The following CRIPT variants were observed in gnomAD, a reference collection of about 807,000 sequenced individuals.
CRIPT encodes the protein CXXC repeat containing interactor of PDZ3 domain.
Under a neutral mutation model 16.6 loss-of-function variants are expected in CRIPT, and 20 were observed. The observed-to-expected ratio is 1.20, with a 90% confidence interval of 0.85 to 1.75. The LOEUF (loss-of-function observed/expected upper bound fraction) is 1.75. CRIPT is among the 40% of genes most tolerant of loss of function. CRIPT has a pLI of 0.00. For missense variants in CRIPT, 133 were observed against 115.3 expected (o/e 1.15, Z -0.70); for synonymous variants, 42 against 37.0 (o/e 1.14, Z -0.49).
chr2:46,627,970 T>C lies in CRIPT; in HGVS notation c.*3743T>C, dbSNP rs1210335837. 1.3e-5 allele frequency among the ~76,000 whole-genome samples: 2 copies of C among 152,172 alleles called. No homozygotes were observed. Among genetic ancestry groups the C allele is most frequent in the Non-Finnish European group, 2.9e-5 (2 of 68,018 alleles). ...TCCATTCCATTGGTCTATGGGTCTG[T>C]TTTTATATCTGTACCATGCTGTTTT... is the stretch of plus-strand genomic sequence containing the variant. On this transcript the variant is annotated 3_prime_UTR_variant, in exon 5 of 5. Coordinates refer to ENST00000238892, the MANE Select transcript of CRIPT (RefSeq NM_014171.6).
At position 46,624,259 on chromosome 2, in the gene CRIPT, G is replaced by C; in HGVS notation, c.*32G>C. The stretch of plus-strand genomic sequence containing the variant: ...TGATGGAATTTCTGGCTTTCTAAAT[G>C]ATTTTACTTTCTGCCTTGAATTTTC... On this transcript the variant is annotated 3_prime_UTR_variant, in exon 5 of 5. Coordinates refer to ENST00000238892, the MANE Select transcript of CRIPT (RefSeq NM_014171.6). 1 of 1,457,266 alleles carries C rather than the reference G, an allele frequency of 6.9e-7. No homozygotes were observed. 90.3% of individuals were successfully genotyped at this position (1,457,266 alleles called of 1,614,324 possible).
intron 1 of CRIPT, among the ~76,000 whole-genome samples, chr2:46,617,829 G>T (rs1408263846): frequency 6.6e-6 from 1 of 151,988 alleles, no homozygotes; most frequent in Non-Finnish European, 1.5e-5. Flanking sequence ...TAAATTCTCA[G>T]TGTGCAGAGA....
intron 3 of CRIPT, among the ~76,000 whole-genome samples, chr2:46,622,380 A>G (rs1013362054): frequency 1.3e-5 from 2 of 152,182 alleles, no homozygotes; most frequent in African/African-American, 2.4e-5. Flanking sequence ...AAAAAAAAAA[A>G]AAAAAGATTT....
In CRIPT at chr2:46,628,260, G is replaced by A. The variant is rs115968128; in HGVS notation, c.*4033G>A. Reference sequence around the variant, plus strand: ...CAAATAGCTGGGATTACAGGAGCCCGCCAACCATGCCCAGCTAATTTATGT... The same window carrying A: ...CAAATAGCTGGGATTACAGGAGCCCACCAACCATGCCCAGCTAATTTATGT... On this transcript the variant is annotated 3_prime_UTR_variant, in exon 5 of 5. Transcript: ENST00000238892. 3.3e-5 allele frequency among the ~76,000 whole-genome samples: 5 copies of A among 151,968 alleles called. No homozygotes were observed. The highest frequency in any genetic ancestry group is 4.4e-5 in the Non-Finnish European group (3 of 67,954).
Position 46,629,980 on chromosome 2 carries a change from A to G in CRIPT, c.*5753A>G, listed in dbSNP as rs970534497. 2.0e-5 allele frequency among the ~76,000 whole-genome samples: 3 copies of G among 152,144 alleles called. No homozygotes were observed. The highest frequency in any genetic ancestry group is 4.4e-5 in the Non-Finnish European group (3 of 68,014). On this transcript the variant is annotated 3_prime_UTR_variant, in exon 5 of 5. Coordinates refer to ENST00000238892, the MANE Select transcript of CRIPT (RefSeq NM_014171.6). ...TTCTGTATTAATTAGTCATCATTCTACTGTAAGGAAGAGGTTTCCCTTTAT... is the reference window on the plus strand; with the variant it reads ...TTCTGTATTAATTAGTCATCATTCTGCTGTAAGGAAGAGGTTTCCCTTTAT...
At chr2:46,623,623 G>A (rs1670864613) in intron 3 of CRIPT, 141 bp from the exon 4 acceptor site, 3 of 517,698 alleles carry the variant, frequency 5.8e-6, no homozygotes, top group Non-Finnish European at 7.0e-6. Context: ...GTAGCCATCT[G>A]GAATAGGCTA....
At chr2:46,618,893 C>T in intron 2 of CRIPT, 55 bp downstream of exon 2, 2 of 1,067,070 alleles carry the variant, frequency 1.9e-6, no homozygotes, top group Non-Finnish European at 1.4e-6. Context: ...GTGAATAATA[C>T]CTTAGTTTTT....
In CRIPT at chr2:46,625,887, C is replaced by T. The variant is rs1175273553; in HGVS notation, c.*1660C>T. On this transcript the variant is annotated 3_prime_UTR_variant, in exon 5 of 5. Coordinates refer to ENST00000238892, the MANE Select transcript of CRIPT (RefSeq NM_014171.6). ...GAAAAGTACATTTCTCAGGGATCAG[C>T]TAGAATCTGGACTTGCCTAACTCAC... 1 of 152,146 alleles carries T rather than the reference C, an allele frequency of 6.6e-6. No homozygotes were observed. 9.4% of individuals were successfully genotyped at this position (152,146 alleles called of 1,614,324 possible).
intron 1 of CRIPT, among the ~76,000 whole-genome samples, chr2:46,617,934 A>T (rs959465497): frequency 1.3e-5 from 2 of 151,610 alleles, no homozygotes; most frequent in South Asian, 4.2e-4. Flanking sequence ...ACTGAGGCTT[A>T]TCCTCTTCAC....
rs959117541 is a variant in CRIPT at position 46,627,933 on chromosome 2, A to G, written c.*3706A>G. On this transcript the variant is annotated 3_prime_UTR_variant, in exon 5 of 5. Transcript: ENST00000238892. ...CAGATGGCTGTAGGTGTGTAGCTTT[A>G]TTTCTGTCTGTTCCATTCCATTGGT... Among the ~76,000 whole-genome samples, 6 of 151,702 alleles carry G rather than the reference A, an allele frequency of 4.0e-5. No individual in the cohort carries two copies. Among genetic ancestry groups the G allele is most frequent in the Admixed American group, 6.6e-5 (1 of 15,228 alleles).
Position 46,622,823 on chromosome 2 carries a change from A to C in CRIPT, c.138-941A>C, listed in dbSNP as rs556986373. ...GTGAGATTCAGTCTCAAAAAAAAAA[A>C]AGTGATATTCTCTGTGTTTGGAAAA... On this transcript the variant is annotated intron_variant, in intron 3 of 4. Coordinates refer to ENST00000238892, the MANE Select transcript of CRIPT (RefSeq NM_014171.6). Among the ~76,000 whole-genome samples, 239 of 152,092 alleles carry C rather than the reference A, an allele frequency of 1.6e-3. 1 individual carries two copies. Among genetic ancestry groups the C allele is most frequent in the Non-Finnish European group, 2.6e-3 (180 of 67,982 alleles).
At position 46,619,698 on chromosome 2, in the gene CRIPT, A is replaced by G. The variant is rs376487224; in HGVS notation, c.137+17A>G. On this transcript the variant is annotated intron_variant, in intron 3 of 4. Coordinates refer to ENST00000238892, the MANE Select transcript of CRIPT (RefSeq NM_014171.6). ...AAAAGCAAGGTGGGTAAGAGGATCC[A>G]TCGATGGGTCACATAAATTTCCTTC... 17 of 1,596,966 alleles carry G rather than the reference A, an allele frequency of 1.1e-5. No individual in the cohort carries two copies. The African/African-American group carries it at 2.0e-4, about 19-fold the overall frequency.
intron 2 of CRIPT, 90 bp from the exon 3 acceptor site, chr2:46,619,537 T>TTTTGGTAGAAATA: frequency 1.2e-6 from 1 of 800,708 alleles, no homozygotes; most frequent in Non-Finnish European, 1.9e-6. Context: ...TAGACTACTA[T>TTTTGGTAGAAATA]TTTGGTAGAA....
chr2:46,626,881 A>G lies in CRIPT; in HGVS notation c.*2654A>G, dbSNP rs1454415510. Among the ~76,000 whole-genome samples the G allele has an allele frequency of 3.9e-5, 6 of 152,028 alleles. No individual in the cohort carries two copies. The highest frequency in any genetic ancestry group is 7.4e-5 in the Non-Finnish European group (5 of 67,984). The stretch of plus-strand genomic sequence containing the variant: ...GAGTTTCACTGTTGTCACCCAGGCT[A>G]GAGTGCAATGGCACCATCTCAGCTC... On this transcript the variant is annotated 3_prime_UTR_variant, in exon 5 of 5. Coordinates refer to ENST00000238892, the MANE Select transcript of CRIPT (RefSeq NM_014171.6).
In CRIPT at chr2:46,627,681, G is replaced by A. The variant is rs1670972548; in HGVS notation, c.*3454G>A. ...GCTGGTCTTGAATTCCGAGCCTCAA[G>A]TGATCCACCCACCTCAGTCTCCCAA... On this transcript the variant is annotated 3_prime_UTR_variant, in exon 5 of 5. Coordinates refer to ENST00000238892, the MANE Select transcript of CRIPT (RefSeq NM_014171.6). 6.6e-6 allele frequency among the ~76,000 whole-genome samples: 1 copy of A among 152,100 alleles called. No individual in the cohort carries two copies. The highest frequency in any genetic ancestry group is 2.1e-4 in the South Asian group (1 of 4,826).
At chr2:46,621,174 G>C (rs987997982) in intron 3 of CRIPT, among the ~76,000 whole-genome samples, 5 of 151,970 alleles carry the variant, frequency 3.3e-5, no homozygotes, top group African/African-American at 1.2e-4. Flanking sequence ...CTTAAAATCC[G>C]CCACTGGTTT....
Position 46,626,895 on chromosome 2 carries a change from C to T in CRIPT, c.*2668C>T, listed in dbSNP as rs940975842. Among the ~76,000 whole-genome samples the T allele has an allele frequency of 6.6e-6, 1 of 152,010 alleles. No individual in the cohort carries two copies. Among genetic ancestry groups the T allele is most frequent in the Non-Finnish European group, 1.5e-5 (1 of 68,000 alleles). The stretch of plus-strand genomic sequence containing the variant: ...TCACCCAGGCTAGAGTGCAATGGCA[C>T]CATCTCAGCTCACTGCAACCTCCAC... On this transcript the variant is annotated 3_prime_UTR_variant, in exon 5 of 5. Transcript: ENST00000238892.
chr2:46,618,184 A>G (rs1225853331), intron 1 of CRIPT, among the ~76,000 whole-genome samples: 10 of 151,560 alleles, frequency 6.6e-5, no homozygotes, highest in Admixed American at 5.9e-4. Context: ...TTAGCTGTCG[A>G]TTATTATACT....
chr2:46,622,149 C>T (rs1409776692), intron 3 of CRIPT, among the ~76,000 whole-genome samples: 1 of 151,958 alleles, frequency 6.6e-6, no homozygotes, highest in Non-Finnish European at 1.5e-5. Flanking sequence ...GCAGGCGGAT[C>T]ACAAGGTCAG....
Sources: allele counts gnomAD v4.1 joint callset (sites outside exome capture counted in the v4.1 genomes callset), GRCh38; gene constraint gnomAD v4.1.1; transcripts MANE v1.5; gene names NCBI Gene and HGNC (gene_info 2026-07-23, HGNC 2026-07-21).